Variants in CNBD2 observed in about 807,000 individuals in gnomAD.
The protein encoded by CNBD2 is cyclic nucleotide-binding domain-containing protein 2.
Under a neutral mutation model 63.7 loss-of-function variants are expected in CNBD2, and 64 were observed. The ratio of observed to expected loss-of-function variants is 1.00; its 90% CI spans 0.82 to 1.24. CNBD2 has a LOEUF of 1.24. Ranked by LOEUF, CNBD2 falls within the 50% of genes most tolerant of loss-of-function variation. The pLI, the probability that CNBD2 is intolerant of heterozygous loss-of-function variation, is 0.00. For missense variants in CNBD2, 691 were observed against 713.5 expected (o/e 0.97, Z 0.36); for synonymous variants, 229 against 255.4 (o/e 0.90, Z 0.99).
At chr20:35,984,524 G>C in intron 5 of CNBD2, 103 bp from the exon 6 acceptor site, 1 of 1,252,940 alleles carries the variant, frequency 8.0e-7, no homozygotes, top group African/African-American at 1.5e-5. Flanking sequence ...GTCTGGTGAG[G>C]AGAGAATTCA....
At chr20:35,998,685 A>T (rs1464326883) in intron 8 of CNBD2, among the ~76,000 whole-genome samples, 1 of 151,998 alleles carries the variant, frequency 6.6e-6, no homozygotes, top group African/African-American at 2.4e-5. Flanking sequence ...CCTGGCCAAC[A>T]TATAGTGAAA....
At chr20:35,983,799 C>T (rs958134336) in intron 4 of CNBD2, among the ~76,000 whole-genome samples, 183 bp from the exon 5 acceptor site, 3 of 152,206 alleles carry the variant, frequency 2.0e-5, no homozygotes, top group African/African-American at 7.2e-5. Context: ...AGGCAGGCAA[C>T]GGGATAGGTG....
chr20:35,975,799 A>C, intron 2 of CNBD2, 150 bp from the exon 3 acceptor site: 1 of 601,452 alleles, frequency 1.7e-6, no homozygotes. Context: ...GCCTTCGAGC[A>C]GAGGCAGGCC....
Position 36,030,487 on chromosome 20 carries a change from A to T in CNBD2, c.1570A>T (p.Ile524Phe), listed in dbSNP as rs777056035. The T allele has an allele frequency of 6.2e-7, 1 of 1,613,740 alleles. No individual in the cohort carries two copies. Among genetic ancestry groups the T allele is most frequent in the Non-Finnish European group, 8.5e-7 (1 of 1,179,960 alleles). ...TCCAAACCGGCCCAAGAAGAGAGAG[A>T]TCTACAACCCTAAGTCTGTGGTCCT... Reference protein sequence around the residue: ...FTPNRPKKREIYNPKSVVLDL... With the variant: ...FTPNRPKKREFYNPKSVVLDL... The change falls in exon 12 of 12, where the codon ATC becomes TTC. Residue 524 changes from isoleucine (I) to phenylalanine (F), a missense_variant. By Grantham distance (21) the Ile-to-Phe change is conservative (BLOSUM62 0). Transcript: ENST00000373973.
upstream of CNBD2, among the ~76,000 whole-genome samples, chr20:35,964,443 T>C (rs1047948095): frequency 5.3e-5 from 8 of 152,228 alleles, no homozygotes; most frequent in African/African-American, 1.9e-4. Context: ...CAGGCTGGAA[T>C]GCAGTGGCTC....
At chr20:35,959,735 AG>A (rs1452637902), downstream of CNBD2, among the ~76,000 whole-genome samples, 5 of 152,246 alleles carry the variant, frequency 3.3e-5, no homozygotes, top group Non-Finnish European at 7.3e-5. Context: ...CTTTATTTAC[AG>A]ATGAGAAATT....
Position 35,972,630 on chromosome 20 carries a change from G to T in CNBD2, c.53G>T (p.Gly18Val). 1 of 1,613,950 alleles carries T rather than the reference G, an allele frequency of 6.2e-7. No individual in the cohort carries two copies. The highest frequency in any genetic ancestry group is 1.1e-5 in the South Asian group (1 of 91,006). The change falls in exon 2 of 12, where the codon GGA becomes GTA. Residue 18 changes from glycine to valine, a missense_variant and splice_region_variant. Gly to Val is a moderately radical substitution (Grantham distance 109). Transcript: ENST00000373973. ...ATCTTGTTTGCTTTGTTTCCATAGGGACTGTACCAGCTCGCCATGGATATC... is the reference window on the plus strand; with the variant it reads ...ATCTTGTTTGCTTTGTTTCCATAGGTACTGTACCAGCTCGCCATGGATATC... ...YAWQLLKKELGLYQLAMDIII... is the reference protein window; with the variant it reads ...YAWQLLKKELVLYQLAMDIII...
chr20:35,983,542 G>A (rs1439917569), intron 4 of CNBD2, among the ~76,000 whole-genome samples: 1 of 152,122 alleles, frequency 6.6e-6, no homozygotes, highest in African/African-American at 2.4e-5. Context: ...AGAAACCAAG[G>A]ATCAGAGAGG....
At chr20:35,993,774 T>C (rs570542704) in intron 7 of CNBD2, among the ~76,000 whole-genome samples, 21 of 152,154 alleles carry the variant, frequency 1.4e-4, no homozygotes, top group Admixed American at 5.2e-4. Flanking sequence ...TGGAATAATT[T>C]TAAATTTATA....
chr20:36,023,587 G>A lies in CNBD2; in HGVS notation c.1270-15G>A, dbSNP rs370804492. The A allele has an allele frequency of 1.9e-6, 3 of 1,559,472 alleles. No homozygotes were observed. The highest frequency in any genetic ancestry group is 2.4e-5 in the South Asian group (2 of 83,020). ...GCCAGTCTCTGAGGTCTAACTTTCTGTGACTTCTCCCGAGGGTCTTCACCA... is the reference window on the plus strand; with the variant it reads ...GCCAGTCTCTGAGGTCTAACTTTCTATGACTTCTCCCGAGGGTCTTCACCA... On this transcript the variant is annotated splice_polypyrimidine_tract_variant and intron_variant, in intron 10 of 11. Coordinates refer to ENST00000373973, the MANE Select transcript of CNBD2 (RefSeq NM_001365709.1).
At chr20:35,957,323 A>G (rs1316968172), downstream of CNBD2, among the ~76,000 whole-genome samples, 1 of 152,220 alleles carries the variant, frequency 6.6e-6, no homozygotes, top group Non-Finnish European at 1.5e-5. Context: ...GCGGTGGCTC[A>G]TGCCTGTAAT....
intron 9 of CNBD2, among the ~76,000 whole-genome samples, chr20:36,009,340 TAC>T (rs1213737124): frequency 6.6e-6 from 1 of 151,826 alleles, no homozygotes; most frequent in East Asian, 2.0e-4. Context: ...TAGCTGGGAC[TAC>T]AGGCACCTGC....
downstream of CNBD2, among the ~76,000 whole-genome samples, chr20:35,957,995 A>C (rs567663931): frequency 3.9e-3 from 590 of 152,348 alleles, 1 homozygote; most frequent in Non-Finnish European, 5.6e-3. Context: ...CTGAGAAGGC[A>C]GAGCTCTCAT....
downstream of CNBD2, chr20:35,958,840 T>A (rs1415088519): frequency 1.3e-5 from 2 of 152,214 alleles, no homozygotes; most frequent in African/African-American, 4.8e-5. Flanking sequence ...TATAACTGTG[T>A]TATTTAAAAA....
intron 7 of CNBD2, among the ~76,000 whole-genome samples, chr20:35,987,964 G>T (rs2056691643): frequency 6.6e-6 from 1 of 152,086 alleles, no homozygotes; most frequent in Admixed American, 6.6e-5. Context: ...CTGCCTCCTG[G>T]GTTTCAGCAA....
At chr20:36,022,590 C>G (rs1029385075) in intron 10 of CNBD2, among the ~76,000 whole-genome samples, 1 of 151,996 alleles carries the variant, frequency 6.6e-6, no homozygotes, top group Non-Finnish European at 1.5e-5. Context: ...CTGCCTCAGC[C>G]TCCCAAAGTG....
chr20:35,960,832 T>C (rs538165367), intron 2 of CNBD2, among the ~76,000 whole-genome samples: 127 of 140,914 alleles, frequency 9.0e-4, no homozygotes, highest in South Asian at 3.1e-3. Flanking sequence ...CCTTCCCTTC[T>C]CTTCCCTTCT....
downstream of CNBD2, among the ~76,000 whole-genome samples, chr20:35,956,081 G>A (rs1005378166): frequency 6.6e-6 from 1 of 152,254 alleles, no homozygotes; most frequent in East Asian, 1.9e-4. Flanking sequence ...AAAGGACAGG[G>A]GCCTCATATG....
chr20:35,986,368 C>G (rs970453014), intron 6 of CNBD2, among the ~76,000 whole-genome samples: 1 of 151,946 alleles, frequency 6.6e-6, no homozygotes, highest in African/African-American at 2.4e-5. Flanking sequence ...AGGTCTGGCT[C>G]CAATCTCAGC....
Sources: allele counts gnomAD v4.1 joint callset (sites outside exome capture counted in the v4.1 genomes callset), GRCh38; gene constraint gnomAD v4.1.1; transcripts MANE v1.5; gene names NCBI Gene and HGNC (gene_info 2026-07-23, HGNC 2026-07-21).